Variants in DNAH7 observed in about 807,000 individuals in gnomAD.
The protein encoded by DNAH7 is axonemal beta dynein heavy chain 7.
A neutral mutation model predicts 444.6 loss-of-function variants in DNAH7; 397 were observed. The ratio of observed to expected loss-of-function variants is 0.89; its 90% CI spans 0.82 to 0.97. The LOEUF is 0.97. Among genes scored for constraint, DNAH7 ranks in the 50% least tolerant of loss-of-function variants. The pLI is 0.00. For synonymous variants in DNAH7, 1,636 were observed against 1,624.4 expected (o/e 1.01, Z -0.17); for missense variants, 4,902 against 4,800.8 (o/e 1.02, Z -0.62).
intron 35 of DNAH7, among the ~76,000 whole-genome samples, chr2:195,883,950 T>C (rs983592704): frequency 3.3e-5 from 5 of 152,200 alleles, no homozygotes; most frequent in African/African-American, 1.2e-4. Context: ...TTAGAAAGCA[T>C]GTTTACTGAA....
intron 61 of DNAH7, among the ~76,000 whole-genome samples, chr2:195,766,191 T>TTTTTTTTTTTA (rs1491573632): frequency 7.4e-6 from 1 of 136,008 alleles, no homozygotes; most frequent in Non-Finnish European, 1.6e-5. Flanking sequence ...TTTTTTTTTT[T>TTTTTTTTTTTA]GAGACAGAGT....
intron 5 of DNAH7, among the ~76,000 whole-genome samples, chr2:196,030,564 G>A (rs983990425): frequency 7.9e-5 from 12 of 152,144 alleles, no homozygotes; most frequent in African/African-American, 1.2e-4. Context: ...AGTCCCTACC[G>A]CCTATGAGCA....
intron 35 of DNAH7, among the ~76,000 whole-genome samples, chr2:195,883,340 G>C (rs564386066): frequency 1.7e-4 from 26 of 152,088 alleles, no homozygotes; most frequent in African/African-American, 6.0e-4. Flanking sequence ...CCAGCTACTC[G>C]GAGAGGCTGA....
intron 15 of DNAH7, among the ~76,000 whole-genome samples, chr2:195,981,025 G>T (rs910245768): frequency 1.1e-4 from 16 of 152,036 alleles, no homozygotes; most frequent in Admixed American, 9.8e-4. Flanking sequence ...AGAAATAAAA[G>T]TCATCCAAAT....
intron 63 of DNAH7, among the ~76,000 whole-genome samples, chr2:195,743,767 T>A (rs1693196535): frequency 1.3e-5 from 2 of 150,686 alleles, no homozygotes; most frequent in Non-Finnish European, 1.5e-5. Context: ...AAAGGCTAAT[T>A]TGTGGATATA....
intron 19 of DNAH7, among the ~76,000 whole-genome samples, chr2:195,949,056 T>C (rs748630229): frequency 2.6e-5 from 4 of 152,184 alleles, no homozygotes; most frequent in Admixed American, 6.5e-5. Flanking sequence ...TTTGTAGGAA[T>C]TGTGAATGGG....
chr2:195,756,375 C>A, intron 61 of DNAH7, 90 bp from the exon 62 acceptor site: 1 of 1,162,750 alleles, frequency 8.6e-7, no homozygotes, highest in Non-Finnish European at 1.2e-6. Context: ...TCATGATTAT[C>A]CTTTGTTTAC....
At chr2:196,021,953 C>A (rs1695408194) in intron 8 of DNAH7, among the ~76,000 whole-genome samples, 1 of 152,034 alleles carries the variant, frequency 6.6e-6, no homozygotes, top group Non-Finnish European at 1.5e-5. Flanking sequence ...ATGGTTAAAC[C>A]CTGTCTCTAC....
At chr2:195,751,590 G>GC (rs1693801469) in intron 63 of DNAH7, among the ~76,000 whole-genome samples, 1 of 152,122 alleles carries the variant, frequency 6.6e-6, no homozygotes, top group African/African-American at 2.4e-5. Flanking sequence ...AAGCAGAGTC[G>GC]CAAGAGAGGA....
chr2:195,982,038 C>T (rs376257772), intron 15 of DNAH7, among the ~76,000 whole-genome samples: 4 of 151,978 alleles, frequency 2.6e-5, no homozygotes, highest in African/African-American at 2.4e-5. Flanking sequence ...ACCCAGAGCA[C>T]GGGAGAAAAT....
chr2:195,825,709 G>C (rs994771741), intron 48 of DNAH7, among the ~76,000 whole-genome samples: 2 of 152,080 alleles, frequency 1.3e-5, no homozygotes, highest in Admixed American at 1.3e-4. Context: ...TTGGTGTTTG[G>C]GATGCTATCA....
chr2:195,871,703 A>AACTGGTTCAAAGT (rs1574624989), intron 40 of DNAH7, among the ~76,000 whole-genome samples: 1 of 132,190 alleles, frequency 7.6e-6, no homozygotes, highest in Non-Finnish European at 1.5e-5. Context: ...ACTTAAGGGA[A>AACTGGTTCAAAGT]GGCGGATCAC....
intron 27 of DNAH7, chr2:195,904,172 ACTC>A (rs1212858258): frequency 6.6e-6 from 1 of 151,976 alleles, no homozygotes; most frequent in Non-Finnish European, 1.5e-5. Context: ...TTACAAGTAG[ACTC>A]CTCCTAATGG....
chr2:195,740,114 G>T (rs1250201939), intron 64 of DNAH7, among the ~76,000 whole-genome samples: 1 of 152,098 alleles, frequency 6.6e-6, no homozygotes, highest in Non-Finnish European at 1.5e-5. Flanking sequence ...CTCCCTAGTA[G>T]CTGGGATTAC....
rs762815760 is a variant in DNAH7 at position 196,012,803 on chromosome 2, C to T, written c.973G>A (p.Glu325Lys). The change falls in exon 10 of 65, where the codon GAG (glutamate) becomes AAG (lysine). Residue 325 changes from glutamate (E) to lysine (K), a missense_variant. Physicochemically the swap from Glu to Lys is moderately conservative, Grantham distance 56. Coordinates refer to ENST00000312428, the MANE Select transcript of DNAH7 (RefSeq NM_018897.3). ...AACCTTTACATTTTAAGTAGAGTCTCTTTGGCAGAGTCCATGTGTCTCATG... is the reference window on the plus strand; with the variant it reads ...AACCTTTACATTTTAAGTAGAGTCTTTTTGGCAGAGTCCATGTGTCTCATG... ...IIMRHMDSAKETLLKMWFPEV... is the reference protein window; with the variant it reads ...IIMRHMDSAKKTLLKMWFPEV... The T allele has an allele frequency of 1.9e-6, 3 of 1,599,252 alleles. No homozygotes were observed. The South Asian group carries it at 3.4e-5, about 18-fold the overall frequency.
intron 1 of DNAH7, among the ~76,000 whole-genome samples, chr2:196,068,200 G>A (rs1698534849): frequency 6.6e-6 from 1 of 152,216 alleles, no homozygotes; most frequent in Non-Finnish European, 1.5e-5. Context: ...GTATGGCATG[G>A]TATCTAATTT....
intron 18 of DNAH7, among the ~76,000 whole-genome samples, chr2:195,958,210 G>C (rs1266703860): frequency 6.6e-6 from 1 of 151,932 alleles, no homozygotes; most frequent in Non-Finnish European, 1.5e-5. Flanking sequence ...GAGATAAGAA[G>C]ACCAACCCCT....
intron 49 of DNAH7, among the ~76,000 whole-genome samples, chr2:195,819,666 A>G (rs928262039): frequency 1.3e-5 from 2 of 152,160 alleles, no homozygotes; most frequent in East Asian, 3.9e-4. Flanking sequence ...GACAGCTTGC[A>G]ATGCTACAGG....
At chr2:195,787,960 AG>A (rs1212744413) in intron 57 of DNAH7, among the ~76,000 whole-genome samples, 1 of 152,274 alleles carries the variant, frequency 6.6e-6, no homozygotes, top group East Asian at 1.9e-4. Flanking sequence ...GGAAACCCCA[AG>A]GGTAAGAGCC....
Sources: gnomAD v4.1 joint callset for allele counts (sites outside exome capture counted in the v4.1 genomes callset) on GRCh38, gnomAD v4.1.1 for gene constraint, MANE v1.5 for transcripts, NCBI Gene and HGNC (gene_info 2026-07-23, HGNC 2026-07-21) for gene names.